ARHGEF33: variants seen among roughly 807,000 people sequenced by gnomAD.
ARHGEF33 encodes Rho guanine nucleotide exchange factor 33, also known as DH and coiled-coil domain-containing protein ENSP00000381780.
In ARHGEF33, 72 loss-of-function variants were observed where a neutral mutation model predicts 101.9. The observed-to-expected ratio is 0.71, with a 90% CI of 0.58 to 0.86. ARHGEF33 has a LOEUF of 0.86. Ranked by LOEUF, ARHGEF33 falls within the 40% of genes least tolerant of loss-of-function variation. The pLI is 0.00. For missense variants in ARHGEF33, 1,169 were observed against 1,111.3 expected (o/e 1.05, Z -0.74); for synonymous variants, 499 against 442.5 (o/e 1.13, Z -1.60).
intron 9 of ARHGEF33, among the ~76,000 whole-genome samples, chr2:38,943,363 A>C (rs1174460515): frequency 6.6e-6 from 1 of 152,220 alleles, no homozygotes; most frequent in Non-Finnish European, 1.5e-5. Flanking sequence ...CTACAGGGGA[A>C]GAAGGCTGAG....
intron 2 of ARHGEF33, among the ~76,000 whole-genome samples, chr2:38,909,130 A>T (rs1666455947): frequency 6.6e-6 from 1 of 152,140 alleles, no homozygotes; most frequent in Admixed American, 6.6e-5. Flanking sequence ...AAGGCAGTTA[A>T]CTAAGGAGGG....
In ARHGEF33 at chr2:38,951,017, G is replaced by A. The variant is rs773022020; in HGVS notation, c.949G>A (p.Val317Ile). 2.7e-5 allele frequency: 42 copies of A among 1,552,012 alleles called. No individual in the cohort carries two copies. Among genetic ancestry groups the A allele is most frequent in the South Asian group, 1.9e-4 (16 of 84,056 alleles). The change falls in exon 11 of 18, where the codon GTC becomes ATC. Residue 317 changes from valine (V) to isoleucine (I), a missense_variant. Coordinates refer to ENST00000409978, the MANE Select transcript of ARHGEF33 (RefSeq NM_001145451.5). ...CTTCCCTGGCTCTTTACGGTACCTCGTCCAGCAGCACCTGGATCTGCTTCA... is the reference window on the plus strand; with the variant it reads ...CTTCCCTGGCTCTTTACGGTACCTCATCCAGCAGCACCTGGATCTGCTTCA... ...SLFPGSLRYL[V>I]QQHLDLLHAL...
chr2:38,938,647 T>A lies in ARHGEF33; in HGVS notation c.790+1088T>A, dbSNP rs537540509. On this transcript the variant is annotated intron_variant, in intron 9 of 17. Transcript: ENST00000409978. Reference sequence around the variant, plus strand: ...CATTTAAGCTAATAGACATTTTACATGTGTCTATCCCCTGTGATCACCACC... The same window carrying A: ...CATTTAAGCTAATAGACATTTTACAAGTGTCTATCCCCTGTGATCACCACC... 2.6e-5 allele frequency among the ~76,000 whole-genome samples: 4 copies of A among 152,356 alleles called. No homozygotes were observed. The South Asian group carries it at 8.3e-4, about 32-fold the overall frequency.
At chr2:38,963,603 A>G (rs750472210) in intron 16 of ARHGEF33, among the ~76,000 whole-genome samples, 19 of 152,222 alleles carry the variant, frequency 1.2e-4, no homozygotes, top group Non-Finnish European at 2.4e-4. Flanking sequence ...ATGAAATGCT[A>G]TTGAGATCAT....
chr2:38,935,880 T>C (rs1405040034), intron 8 of ARHGEF33, 46 bp downstream of exon 8: 1 of 1,422,684 alleles, frequency 7.0e-7, no homozygotes. Flanking sequence ...GCAATTCCAT[T>C]ATTTTCCACT....
At chr2:38,971,152 A>G (rs750768456) in intron 17 of ARHGEF33, among the ~76,000 whole-genome samples, 2 of 152,176 alleles carry the variant, frequency 1.3e-5, no homozygotes, top group Non-Finnish European at 2.9e-5. Context: ...CTTAAATCAG[A>G]GGTTTTTGCA....
At chr2:38,968,793 T>G (rs1271098787) in intron 17 of ARHGEF33, among the ~76,000 whole-genome samples, 5 of 152,248 alleles carry the variant, frequency 3.3e-5, no homozygotes, top group Admixed American at 6.5e-5. Flanking sequence ...CCTGGCTTTT[T>G]AGATCTGGCC....
At chr2:38,907,930 C>T (rs1433505856) in intron 2 of ARHGEF33, among the ~76,000 whole-genome samples, 1 of 150,628 alleles carries the variant, frequency 6.6e-6, no homozygotes, top group African/African-American at 2.4e-5. Flanking sequence ...ACTATCATGA[C>T]TCACTGCAGC....
At chr2:38,940,172 G>A (rs1444123675) in intron 9 of ARHGEF33, among the ~76,000 whole-genome samples, 1 of 152,112 alleles carries the variant, frequency 6.6e-6, no homozygotes, top group Admixed American at 6.5e-5. Flanking sequence ...TGACAGTATT[G>A]AGTCTTCCAT....
At chr2:38,964,537 A>T (rs929624593) in intron 16 of ARHGEF33, among the ~76,000 whole-genome samples, 1 of 151,032 alleles carries the variant, frequency 6.6e-6, no homozygotes, top group Admixed American at 6.6e-5. Context: ...CAGGCATTAG[A>T]TTCTCACAAG....
chr2:38,896,670 G>A (rs1666130373), intron 2 of ARHGEF33, among the ~76,000 whole-genome samples: 1 of 152,162 alleles, frequency 6.6e-6, no homozygotes, highest in Admixed American at 6.5e-5. Context: ...GCACAGCTGG[G>A]ATTGGAAGCT....
intron 10 of ARHGEF33, among the ~76,000 whole-genome samples, chr2:38,948,406 C>G (rs1667506684): frequency 1.3e-5 from 2 of 152,204 alleles, no homozygotes; most frequent in Admixed American, 6.5e-5. Context: ...TCCAACCCCA[C>G]CCTGAAATCT....
At chr2:38,945,244 T>C (rs2124404149) in intron 10 of ARHGEF33, among the ~76,000 whole-genome samples, 1 of 152,308 alleles carries the variant, frequency 6.6e-6, no homozygotes, top group South Asian at 2.1e-4. Flanking sequence ...ATTTTCTTGC[T>C]CCTTACCATC....
At position 38,937,396 on chromosome 2, in the gene ARHGEF33, C is replaced by G; in HGVS notation, c.627C>G (p.Ile209Met). 1 of 1,467,274 alleles carries G rather than the reference C, an allele frequency of 6.8e-7. No individual in the cohort carries two copies. The highest frequency in any genetic ancestry group is 9.1e-7 in the Non-Finnish European group (1 of 1,097,610). 90.9% of individuals were successfully genotyped at this position (1,467,274 alleles called of 1,614,324 possible). The stretch of plus-strand genomic sequence containing the variant: ...TCAAGTCTTGCCTCTCGGCTGATAT[C>G]CAGTCCAAGGGCCATCTCCCATCTG... Reference protein sequence around the residue: ...ENLKSCLSADIQSKGHLPSGM... With the variant: ...ENLKSCLSADMQSKGHLPSGM... The change falls in exon 9 of 18, where the codon ATC (isoleucine) becomes ATG (methionine). Residue 209 changes from isoleucine to methionine, a missense_variant. Ile to Met is a conservative substitution (Grantham distance 10). Coordinates refer to ENST00000409978, the MANE Select transcript of ARHGEF33 (RefSeq NM_001145451.5).
chr2:38,966,033 T>G lies in ARHGEF33; in HGVS notation c.2371T>G (p.Phe791Val). 1 of 1,551,668 alleles carries G rather than the reference T, an allele frequency of 6.4e-7. No homozygotes were observed. The highest frequency in any genetic ancestry group is 8.7e-7 in the Non-Finnish European group (1 of 1,146,970). The part of the protein sequence containing the change: ...REMHLEDTTR[F>V]CPKEERESEQ... ...GATGCATTTAGAAGATACTACCAGA[T>G]TCTGTCCCAAAGAAGAAAGAGAAAG... Residue 791 changes from phenylalanine (F) to valine (V), a missense_variant, in exon 17 of 18, where the codon TTC becomes GTC. Coordinates refer to ENST00000409978, the MANE Select transcript of ARHGEF33 (RefSeq NM_001145451.5).
In ARHGEF33 at chr2:38,931,149, G is replaced by A. The variant is rs756094563; in HGVS notation, c.403G>A (p.Ala135Thr). ...KEEHSSQAGP[A>T]QAQGSPFRSI... The stretch of plus-strand genomic sequence containing the variant: ...AGAGCACAGCTCACAGGCCGGGCCT[G>A]CCCAAGCACAAGGAAGTCCTTTTCG... The change falls in exon 7 of 18, where the codon GCC becomes ACC. Residue 135 changes from alanine (A) to threonine (T), a missense_variant. Physicochemically the swap from Ala to Thr is moderately conservative, Grantham distance 58 (BLOSUM62 0). Transcript: ENST00000409978. The A allele has an allele frequency of 1.3e-6, 2 of 1,551,604 alleles. No individual in the cohort carries two copies. Among genetic ancestry groups the A allele is most frequent in the Admixed American group, 2.0e-5 (1 of 50,990 alleles).
intron 12 of ARHGEF33, 61 bp from the exon 13 acceptor site, chr2:38,954,312 G>A (rs533298666): frequency 1.7e-5 from 17 of 998,180 alleles, no homozygotes; most frequent in South Asian, 1.3e-4. Context: ...GGACTGATTC[G>A]AGGTTCTGCT....
intron 6 of ARHGEF33, 30 bp from the exon 7 acceptor site, chr2:38,931,079 A>T: frequency 6.5e-7 from 1 of 1,526,872 alleles, no homozygotes; most frequent in South Asian, 1.3e-5. Flanking sequence ...TAAGAACCAG[A>T]ATAGCCTTGT....
intron 2 of ARHGEF33, among the ~76,000 whole-genome samples, chr2:38,897,959 G>A (rs1295708789): frequency 6.6e-6 from 1 of 152,210 alleles, no homozygotes; most frequent in Non-Finnish European, 1.5e-5. Flanking sequence ...GACTAAAGAT[G>A]AGTCTCCAGA....
Sources: gnomAD v4.1 joint callset for allele counts (sites outside exome capture counted in the v4.1 genomes callset) on GRCh38, gnomAD v4.1.1 for gene constraint, MANE v1.5 for transcripts, NCBI Gene and HGNC (gene_info 2026-07-23, HGNC 2026-07-21) for gene names.